GAP43: variants seen among roughly 807,000 people sequenced by gnomAD.
GAP43 encodes the protein growth associated protein 43.
Under a neutral mutation model 18.6 loss-of-function variants are expected in GAP43, and 6 were observed. The observed-to-expected ratio is 0.32, with a 90% CI of 0.18 to 0.64. The LOEUF (loss-of-function observed/expected upper bound fraction) is 0.64, where lower values mean the gene tolerates loss of function less well. Ranked by LOEUF, GAP43 falls within the 30% of genes least tolerant of loss-of-function variation. The probability of loss-of-function intolerance (pLI) is 0.78; values close to 1 mark genes in which losing one functional copy is unlikely to be tolerated. For synonymous variants in GAP43, 115 were observed against 111.4 expected (o/e 1.03, Z -0.20); for missense variants, 292 against 295.5 (o/e 0.99, Z 0.09).
intron 1 of GAP43, chr3:115,661,056 A>T (rs146765910): frequency 6.6e-6 from 1 of 152,186 alleles, no homozygotes; most frequent in Admixed American, 6.5e-5. Flanking sequence ...ATAGTGACTT[A>T]GCACCATTTA....
intron 1 of GAP43, among the ~76,000 whole-genome samples, chr3:115,635,954 C>T (rs369247154): frequency 2.6e-5 from 4 of 151,986 alleles, no homozygotes; most frequent in East Asian, 1.9e-4. Flanking sequence ...TTATCATTCC[C>T]GTGTCATTGG....
At chr3:115,638,921 G>A (rs756087306) in intron 1 of GAP43, among the ~76,000 whole-genome samples, 2 of 151,902 alleles carry the variant, frequency 1.3e-5, no homozygotes, top group African/African-American at 4.8e-5. Context: ...TTTATTATAC[G>A]TATTCATGTA....
chr3:115,718,216 A>G (rs1709535792), intron 2 of GAP43, among the ~76,000 whole-genome samples: 1 of 152,146 alleles, frequency 6.6e-6, no homozygotes, highest in African/African-American at 2.4e-5. Flanking sequence ...GTAAATCAAT[A>G]TTATGTTTAT....
intron 2 of GAP43, among the ~76,000 whole-genome samples, chr3:115,685,397 A>T (rs1709020144): frequency 6.6e-6 from 1 of 152,180 alleles, no homozygotes. Flanking sequence ...TCCTCATCTG[A>T]CACAATTAAG....
At position 115,623,534 on chromosome 3, in the gene GAP43, G is replaced by A. The variant is rs1457451167; in HGVS notation, c.-156G>A. On this transcript the variant is annotated 5_prime_UTR_variant, in exon 1 of 3. It adds an upstream start codon to the 5' untranslated region. Transcript: ENST00000305124. ...TACAGTTGCTGCTAACTGCCCTGGT[G>A]TGTGTGAGGGAGAGAGAGGGAGGGA... 2.5e-6 allele frequency: 2 copies of A among 787,776 alleles called. No homozygotes were observed. The highest frequency in any genetic ancestry group is 4.3e-6 in the Non-Finnish European group (2 of 469,476). 48.8% of individuals were successfully genotyped at this position (787,776 alleles called of 1,614,324 possible). A position where few individuals can be genotyped will look rare whatever the true frequency, so the allele number is the denominator to read the frequency against.
chr3:115,716,895 C>A (rs1189852009), intron 2 of GAP43, among the ~76,000 whole-genome samples: 1 of 151,140 alleles, frequency 6.6e-6, no homozygotes, highest in East Asian at 1.9e-4. Flanking sequence ...TTGGAGCCAA[C>A]AATTTTTTAA....
intron 1 of GAP43, among the ~76,000 whole-genome samples, chr3:115,652,395 T>TCTTG (rs1387994235): frequency 8.1e-6 from 1 of 123,394 alleles, no homozygotes. Context: ...TGTGATAGAG[T>TCTTG]CTTGCTCTGT....
At chr3:115,695,421 A>G (rs1279994614) in intron 2 of GAP43, among the ~76,000 whole-genome samples, 1 of 152,220 alleles carries the variant, frequency 6.6e-6, no homozygotes, top group Non-Finnish European at 1.5e-5. Flanking sequence ...CCAACTTTTT[A>G]AGAATTAAGA....
chr3:115,633,289 C>T (rs1371960329), intron 1 of GAP43, among the ~76,000 whole-genome samples: 3 of 151,962 alleles, frequency 2.0e-5, no homozygotes, highest in Non-Finnish European at 2.9e-5. Flanking sequence ...TTTTATTGGT[C>T]CTGCTTGGGT....
At chr3:115,659,618 T>TAG (rs10560003) in intron 1 of GAP43, among the ~76,000 whole-genome samples, 3 of 151,670 alleles carry the variant, frequency 2.0e-5, no homozygotes, top group South Asian at 2.1e-4. Flanking sequence ...AATAAAATAT[T>TAG]AGAGAGAGAG....
intron 1 of GAP43, among the ~76,000 whole-genome samples, chr3:115,636,908 C>A (rs1708336388): frequency 6.6e-6 from 1 of 152,060 alleles, no homozygotes; most frequent in African/African-American, 2.4e-5. Flanking sequence ...CAACTTTTAA[C>A]AAACATGTTC....
chr3:115,717,591 G>A (rs1211688021), intron 2 of GAP43, among the ~76,000 whole-genome samples: 3 of 151,622 alleles, frequency 2.0e-5, no homozygotes, highest in Non-Finnish European at 2.9e-5. Flanking sequence ...TTACAGGTGT[G>A]AGCCACCGCA....
At chr3:115,719,126 A>G (rs1375962952) in intron 2 of GAP43, among the ~76,000 whole-genome samples, 1 of 152,218 alleles carries the variant, frequency 6.6e-6, no homozygotes, top group Non-Finnish European at 1.5e-5. Flanking sequence ...AATTAAACAC[A>G]AATTTGTTAG....
At chr3:115,694,868 A>C (rs1290091633) in intron 2 of GAP43, among the ~76,000 whole-genome samples, 2 of 152,216 alleles carry the variant, frequency 1.3e-5, no homozygotes, top group African/African-American at 4.8e-5. Flanking sequence ...TTGGGTTTCC[A>C]ATGGGAAAGA....
At position 115,698,968 on chromosome 3, in the gene GAP43, T is replaced by A. The variant is rs72943774; in HGVS notation, c.629-21826T>A. ...GGGAGGAGCAGGAAGGCAGGACACCTAAGGCATAAAGGGCTGTGTTTCATC... is the reference window on the plus strand; with the variant it reads ...GGGAGGAGCAGGAAGGCAGGACACCAAAGGCATAAAGGGCTGTGTTTCATC... On this transcript the variant is annotated intron_variant, in intron 2 of 2. Coordinates refer to ENST00000305124, the MANE Select transcript of GAP43 (RefSeq NM_002045.4). 3.3e-3 allele frequency among the ~76,000 whole-genome samples: 499 copies of A among 152,248 alleles called. 4 individuals carry two copies. Among genetic ancestry groups the A allele is most frequent in the African/African-American group, 0.011 (468 of 41,558 alleles).
Position 115,676,390 on chromosome 3 carries a change from C to T in GAP43, c.408C>T (p.Gly136=), listed in dbSNP as rs771635623. 1.9e-6 allele frequency: 3 copies of T among 1,613,998 alleles called. No individual in the cohort carries two copies. The Admixed American group carries it at 5.0e-5, about 27-fold the overall frequency. The change falls in exon 2 of 3, where the codon GGC becomes GGT. Residue 136 remains glycine, a synonymous_variant. Coordinates refer to ENST00000305124, the MANE Select transcript of GAP43 (RefSeq NM_002045.4). ...CTGCATCCTCAGAGGAGAAGGCCGG[C>T]TCAGCTGAGACAGAAAGTGCCACTA... The part of the protein sequence containing the change: ...QAPASSEEKA[G]SAETESATKA...
intron 2 of GAP43, among the ~76,000 whole-genome samples, chr3:115,683,362 A>G (rs1421908048): frequency 2.0e-5 from 3 of 152,206 alleles, no homozygotes; most frequent in African/African-American, 7.2e-5. Context: ...AGAATCTAGA[A>G]GAGTCAATTC....
chr3:115,647,745 C>G (rs1202880103), intron 1 of GAP43, among the ~76,000 whole-genome samples: 1 of 88,492 alleles, frequency 1.1e-5, no homozygotes, highest in Non-Finnish European at 2.5e-5. Context: ...AAAAACAAAA[C>G]AAAACAAAAA....
chr3:115,708,517 G>C (rs1031254722), intron 2 of GAP43, among the ~76,000 whole-genome samples: 5 of 152,200 alleles, frequency 3.3e-5, no homozygotes, highest in Non-Finnish European at 7.3e-5. Flanking sequence ...TTATAAGAGA[G>C]TGAGAGAAAA....
Sources: gnomAD v4.1 joint callset for allele counts (sites outside exome capture counted in the v4.1 genomes callset) on GRCh38, gnomAD v4.1.1 for gene constraint, MANE v1.5 for transcripts, NCBI Gene and HGNC (gene_info 2026-07-23, HGNC 2026-07-21) for gene names.